The following SNRK variants were observed in gnomAD, a reference collection of about 807,000 sequenced individuals.
SNRK encodes the protein SNF related kinase, also known as SNF-related serine/threonine-protein kinase.
A neutral mutation model predicts 48.2 loss-of-function variants in SNRK; 3 were observed. The ratio of observed to expected loss-of-function variants is 0.06; its 90% CI spans 0.03 to 0.16. The LOEUF (loss-of-function observed/expected upper bound fraction) is 0.16. Ranked by LOEUF, SNRK falls within the 10% of genes least tolerant of loss-of-function variation. The pLI, the probability that SNRK is intolerant of heterozygous loss-of-function variation, is 1.00. For synonymous variants in SNRK, 376 were observed against 366.1 expected (o/e 1.03, Z -0.31); for missense variants, 627 against 976.0 (o/e 0.64, Z 4.76).
chr3:43,306,031 A>G (rs1301996819), intron 3 of SNRK, among the ~76,000 whole-genome samples: 2 of 152,160 alleles, frequency 1.3e-5, no homozygotes, highest in Admixed American at 6.5e-5. Context: ...TAAATATTGC[A>G]TAATAAAACT....
At chr3:43,341,833 T>A (rs187770634) in intron 5 of SNRK, among the ~76,000 whole-genome samples, 1 of 152,358 alleles carries the variant, frequency 6.6e-6, no homozygotes. Flanking sequence ...AAGGACACTT[T>A]AGAGTGTTTT....
At chr3:43,327,744 C>G (rs1249320084) in intron 3 of SNRK, among the ~76,000 whole-genome samples, 2 of 152,078 alleles carry the variant, frequency 1.3e-5, no homozygotes, top group Non-Finnish European at 2.9e-5. Flanking sequence ...TCATTTTGAT[C>G]TTGAACTCTA....
intron 3 of SNRK, among the ~76,000 whole-genome samples, chr3:43,310,625 C>G (rs1031902231): frequency 6.6e-6 from 1 of 151,970 alleles, no homozygotes; most frequent in East Asian, 1.9e-4. Flanking sequence ...TCTAAAATGT[C>G]TTCACATTTT....
intron 1 of SNRK, among the ~76,000 whole-genome samples, chr3:43,297,448 G>A (rs55837468): frequency 0.025 from 3,808 of 152,108 alleles, 162 homozygotes; most frequent in African/African-American, 0.085. Context: ...CCCCAAGCCC[G>A]TAAGTATTAT....
chr3:43,307,386 C>T (rs184521678), intron 3 of SNRK, among the ~76,000 whole-genome samples: 1 of 145,184 alleles, frequency 6.9e-6, no homozygotes, highest in African/African-American at 2.9e-5. Flanking sequence ...TCAGATCTTG[C>T]GGTTTTTTTG....
In SNRK at chr3:43,332,297, A is replaced by C. The variant is rs780104262; in HGVS notation, c.718A>C (p.Lys240Gln). 9.5e-6 allele frequency: 14 copies of C among 1,466,132 alleles called. No homozygotes were observed. The South Asian group carries it at 2.1e-4, about 22-fold the overall frequency. The allele number at this position is 1,466,132 out of a possible 1,614,324, so 90.8% of individuals were successfully genotyped here. A position where few individuals can be genotyped will look rare whatever the true frequency, so the allele number is the denominator to read the frequency against. The change falls in exon 4 of 7, where the codon AAA becomes CAA. Residue 240 changes from lysine (K) to glutamine (Q), a missense_variant. Lys to Gln is a moderately conservative substitution (Grantham distance 53, BLOSUM62 1). This residue lies in a region of SNRK where 147 missense variants were observed against 356.8 expected (regional missense o/e 0.41). Coordinates refer to ENST00000296088, the MANE Select transcript of SNRK (RefSeq NM_017719.5). ...CKYTVPSHVS[K>Q]ECKDLITRML... ...ATATACAGTACCATCCCATGTGTCT[A>C]AAGAGTGTAAAGAGTAAGTAAAACA... is the stretch of plus-strand genomic sequence containing the variant.
At chr3:43,289,109 TA>T (rs1359131389) in intron 1 of SNRK, among the ~76,000 whole-genome samples, 1 of 152,118 alleles carries the variant, frequency 6.6e-6, no homozygotes, top group Non-Finnish European at 1.5e-5. Flanking sequence ...AGGTAAACAG[TA>T]ACAGTACGAA....
intron 1 of SNRK, among the ~76,000 whole-genome samples, chr3:43,290,105 A>G (rs73831237): frequency 0.025 from 3,820 of 152,288 alleles, 164 homozygotes; most frequent in African/African-American, 0.085. Context: ...CAATTTCTTA[A>G]TTGTTGACCT....
intron 1 of SNRK, among the ~76,000 whole-genome samples, chr3:43,294,906 T>C (rs1186859494): frequency 2.0e-5 from 3 of 152,222 alleles, no homozygotes; most frequent in Non-Finnish European, 4.4e-5. Context: ...TATTCTGTTT[T>C]CCTGGGCACA....
chr3:43,350,573 C>A lies in SNRK; in HGVS notation c.*2016C>A, dbSNP rs936526516. 6.6e-6 allele frequency: 1 copy of A among 152,458 alleles called. No homozygotes were observed. Among genetic ancestry groups the A allele is most frequent in the Admixed American group, 6.6e-5 (1 of 15,266 alleles). The allele number at this position is 152,458 out of a possible 1,614,324, so 9.4% of individuals were successfully genotyped here. ...TTTATGCTGCATAGCTGTATTATAG[C>A]CTTATTAGTTGTGTGGTTGACCCTT... On this transcript the variant is annotated 3_prime_UTR_variant, in exon 7 of 7. Transcript: ENST00000296088.
At chr3:43,343,215 A>AT in intron 5 of SNRK, 129 bp from the exon 6 acceptor site, 1 of 1,275,580 alleles carries the variant, frequency 7.8e-7, no homozygotes, top group Non-Finnish European at 1.0e-6. Context: ...TCTGGTTTGC[A>AT]TTTTTTGCAT....
At chr3:43,316,065 A>G (rs2091011272) in intron 3 of SNRK, among the ~76,000 whole-genome samples, 1 of 152,222 alleles carries the variant, frequency 6.6e-6, no homozygotes, top group East Asian at 1.9e-4. Context: ...CTTGAGCATG[A>G]AATGTTTATG....
At chr3:43,321,454 A>AC (rs2125632356) in intron 3 of SNRK, among the ~76,000 whole-genome samples, 2 of 152,090 alleles carry the variant, frequency 1.3e-5, no homozygotes, top group African/African-American at 4.8e-5. Flanking sequence ...GCAAATAAAG[A>AC]CTCCTGGTAG....
chr3:43,295,581 G>A (rs1218038134), intron 1 of SNRK, among the ~76,000 whole-genome samples: 1 of 152,130 alleles, frequency 6.6e-6, no homozygotes, highest in African/African-American at 2.4e-5. Flanking sequence ...ACTGGTAACT[G>A]CATAACCACA....
intron 1 of SNRK, 68 bp from the exon 2 acceptor site, chr3:43,299,686 A>T (rs2090884381): frequency 6.6e-6 from 1 of 152,668 alleles, no homozygotes; most frequent in African/African-American, 2.4e-5. Context: ...TAGAGTATAT[A>T]CTTTGACTTT....
intron 3 of SNRK, among the ~76,000 whole-genome samples, chr3:43,307,705 C>G (rs1467476848): frequency 6.6e-6 from 1 of 152,134 alleles, no homozygotes; most frequent in Non-Finnish European, 1.5e-5. Context: ...CTCTCTGTCT[C>G]TCTCTCTCTT....
At chr3:43,338,206 C>T (rs2091206042) in intron 4 of SNRK, among the ~76,000 whole-genome samples, 1 of 152,182 alleles carries the variant, frequency 6.6e-6, no homozygotes, top group Non-Finnish European at 1.5e-5. Flanking sequence ...AAACTGTTTA[C>T]CCTTCCAAGT....
At position 43,348,207 on chromosome 3, in the gene SNRK, A is replaced by G. The variant is rs202018563; in HGVS notation, c.1948A>G (p.Met650Val). ...AGELVESLKLMSLCLGSQLHG... is the reference protein window; with the variant it reads ...AGELVESLKLVSLCLGSQLHG... ...GGAGCTCGTTGAGAGCCTCAAACTC[A>G]TGAGCCTCTGCCTCGGCTCCCAGCT... Residue 650 changes from methionine (M) to valine (V), a missense_variant, in exon 7 of 7, where the codon ATG (methionine) becomes GTG (valine). Around this residue, in one of 4 missense-constraint regions of SNRK, gnomAD observed 207 missense variants for 234.3 expected, o/e 0.88. Coordinates refer to ENST00000296088, the MANE Select transcript of SNRK (RefSeq NM_017719.5). 2.6e-4 allele frequency: 418 copies of G among 1,608,536 alleles called. No individual in the cohort carries two copies. The highest frequency in any genetic ancestry group is 6.2e-4 in the East Asian group (28 of 44,864).
Position 43,305,204 on chromosome 3 carries a change from A to G in SNRK, c.589+1412A>G, listed in dbSNP as rs1056770973. Among the ~76,000 whole-genome samples the G allele has an allele frequency of 5.3e-5, 8 of 152,310 alleles. No homozygotes were observed. In the East Asian group the frequency reaches 1.2e-3, roughly 22 times the overall value. On this transcript the variant is annotated intron_variant, in intron 3 of 6. Transcript: ENST00000296088. ...CTCTTATTTAGAAGACAGTTTGGCA[A>G]TATCTGGTAAAGGTAAAGATGTACA...
Sources: gnomAD v4.1 joint callset for allele counts (sites outside exome capture counted in the v4.1 genomes callset) on GRCh38, gnomAD v4.1.1 for gene constraint, gnomAD v4.1.1 regional missense constraint, MANE v1.5 for transcripts, NCBI Gene and HGNC (gene_info 2026-07-23, HGNC 2026-07-21) for gene names.